The following TMEM207 variants were observed in gnomAD, a reference collection of about 807,000 sequenced individuals.
TMEM207 encodes the protein transmembrane protein 207, also known as SRSR846.
TMEM207 carries 15 observed loss-of-function variants against 17.4 expected under a neutral mutation model. The ratio of observed to expected loss-of-function variants is 0.86; its 90% CI spans 0.58 to 1.33. TMEM207 has a LOEUF of 1.33. TMEM207 is among the 40% of genes most tolerant of loss of function. The pLI is 0.00. For missense variants in TMEM207, 205 were observed against 173.8 expected, an observed-to-expected ratio of 1.18 and a Z score of -1.01; for synonymous variants, 70 against 65.6, an observed-to-expected ratio of 1.07 and a Z score of -0.33.
intron 2 of TMEM207, among the ~76,000 whole-genome samples, chr3:190,446,826 T>C (rs1235494358): frequency 6.6e-6 from 1 of 152,130 alleles, no homozygotes; most frequent in Non-Finnish European, 1.5e-5. Flanking sequence ...AGGCAGAAGA[T>C]GAGGAGATAA....
In TMEM207 at chr3:190,449,804, T is replaced by A; in HGVS notation, c.6A>T (p.Ser2=). 1 of 1,613,718 alleles carries A rather than the reference T, an allele frequency of 6.2e-7. No individual in the cohort carries two copies. The highest frequency in any genetic ancestry group is 1.1e-5 in the South Asian group (1 of 91,056). M[S]RSRLFSVTSA... ...AGGTGACACTGAAAAGTCTGGATCT[T>A]GACATATTTAAAGGACAGTCAACTT... The change falls in exon 1 of 5, where the codon TCA becomes TCT. Residue 2 remains serine, a synonymous_variant. Coordinates refer to ENST00000354905, the MANE Select transcript of TMEM207 (RefSeq NM_207316.3).
Position 190,447,718 on chromosome 3 carries a change from C to T in TMEM207, c.113+72G>A, listed in dbSNP as rs1720080358. ...AACTCAACTGGGCTTTTTCTAATGGCTTGAGCCTTTTTTATACTTTGAATT... is the reference window on the plus strand; with the variant it reads ...AACTCAACTGGGCTTTTTCTAATGGTTTGAGCCTTTTTTATACTTTGAATT... On this transcript the variant is annotated intron_variant, in intron 2 of 4. Coordinates refer to ENST00000354905, the MANE Select transcript of TMEM207 (RefSeq NM_207316.3). 7 of 1,517,666 alleles carry T rather than the reference C, an allele frequency of 4.6e-6. No homozygotes were observed. The South Asian group carries it at 6.0e-5, about 13-fold the overall frequency. The allele number at this position is 1,517,666 out of a possible 1,614,324, so 94.0% of individuals were successfully genotyped here.
chr3:190,440,499 C>A, intron 3 of TMEM207, 110 bp from the exon 4 acceptor site: 1 of 871,184 alleles, frequency 1.1e-6, no homozygotes, highest in Non-Finnish European at 1.7e-6. Flanking sequence ...TGGCCGCAAG[C>A]AATGTGGGAC....
intron 3 of TMEM207, among the ~76,000 whole-genome samples, chr3:190,441,158 G>C (rs1031983867): frequency 3.9e-5 from 6 of 152,166 alleles, no homozygotes. Context: ...TATCAGTGGA[G>C]GGTCATTTAG....
At chr3:190,447,996 C>T (rs1008773300) in intron 1 of TMEM207, among the ~76,000 whole-genome samples, 169 bp from the exon 2 acceptor site, 3 of 152,084 alleles carry the variant, frequency 2.0e-5, no homozygotes, top group Non-Finnish European at 4.4e-5. Context: ...TTGAAAAAAT[C>T]TCTGGGTGGA....
At chr3:190,443,155 T>G (rs6791090) in intron 2 of TMEM207, among the ~76,000 whole-genome samples, 31,667 of 150,278 alleles carry the variant, frequency 0.21, 3,770 homozygotes, top group South Asian at 0.3. Flanking sequence ...CTTTTTTTTT[T>G]TTTTGTTTTG....
At chr3:190,437,690 C>T (rs112927669) in intron 4 of TMEM207, among the ~76,000 whole-genome samples, 2 of 151,896 alleles carry the variant, frequency 1.3e-5, no homozygotes, top group African/African-American at 2.4e-5. Flanking sequence ...GTCAGTGTGG[C>T]GATTCCTCAG....
At chr3:190,440,614 AT>A (rs1189425760) in intron 3 of TMEM207, among the ~76,000 whole-genome samples, 1 of 152,096 alleles carries the variant, frequency 6.6e-6, no homozygotes, top group Non-Finnish European at 1.5e-5. Flanking sequence ...GGTAATAATC[AT>A]TTTCTCCTTA....
chr3:190,445,215 AT>A lies in TMEM207; in HGVS notation c.113+2574del, dbSNP rs1720019082. Among the ~76,000 whole-genome samples, 3 of 152,316 alleles carry A rather than the reference AT, an allele frequency of 2.0e-5. No homozygotes were observed. The South Asian group carries it at 6.2e-4, about 32-fold the overall frequency. On this transcript the variant is annotated intron_variant, in intron 2 of 4. Coordinates refer to ENST00000354905, the MANE Select transcript of TMEM207 (RefSeq NM_207316.3). Reference sequence around the variant, plus strand: ...ATTAGAAAATCTATCAATGCAATTAATTTACAGAATCTTTTATATGTATAGT... The same window carrying A: ...ATTAGAAAATCTATCAATGCAATTAATTACAGAATCTTTTATATGTATAGT...
At chr3:190,433,911 T>A (rs1039736354) in intron 4 of TMEM207, among the ~76,000 whole-genome samples, 1 of 152,080 alleles carries the variant, frequency 6.6e-6, no homozygotes, top group Non-Finnish European at 1.5e-5. Context: ...TAAAAGTGTG[T>A]AACACCACCC....
At chr3:190,440,221 C>G in intron 4 of TMEM207, 23 bp downstream of exon 4, 1 of 1,605,840 alleles carries the variant, frequency 6.2e-7, no homozygotes, top group South Asian at 1.1e-5. Context: ...AAAAAAGAGT[C>G]CAGAAGCGTG....
chr3:190,442,454 A>G (rs886713444), intron 2 of TMEM207, among the ~76,000 whole-genome samples: 11 of 152,226 alleles, frequency 7.2e-5, no homozygotes, highest in African/African-American at 2.7e-4. Context: ...GTGTCATCCC[A>G]TCATCATACC....
intron 2 of TMEM207, among the ~76,000 whole-genome samples, chr3:190,441,873 T>C (rs1455538311): frequency 1.3e-5 from 2 of 152,194 alleles, no homozygotes; most frequent in Non-Finnish European, 2.9e-5. Flanking sequence ...AGACCTACAG[T>C]CATGTAAAAC....
rs750752463 is a variant in TMEM207 at position 190,429,575 on chromosome 3, T to C, written c.*20A>G. The C allele has an allele frequency of 5.0e-6, 8 of 1,612,638 alleles. No individual in the cohort carries two copies. The highest frequency in any genetic ancestry group is 6.8e-6 in the Non-Finnish European group (8 of 1,179,240). ...TTACAGATGTCGTTAATACTTTAAA[T>C]TGATAATCCACACCTAAAATCAGGT... is the stretch of plus-strand genomic sequence containing the variant. On this transcript the variant is annotated 3_prime_UTR_variant, in exon 5 of 5. Transcript: ENST00000354905.
chr3:190,436,521 A>G (rs890311994), intron 4 of TMEM207, among the ~76,000 whole-genome samples: 1 of 152,210 alleles, frequency 6.6e-6, no homozygotes, highest in Non-Finnish European at 1.5e-5. Flanking sequence ...CTCCGCTGTG[A>G]GCACATACTC....
intron 4 of TMEM207, 87 bp downstream of exon 4, chr3:190,440,157 A>G: frequency 6.7e-7 from 1 of 1,483,066 alleles, no homozygotes; most frequent in African/African-American, 1.4e-5. Flanking sequence ...CTAAGTTCCC[A>G]GATCTGCTTT....
chr3:190,437,571 T>A (rs961376873), intron 4 of TMEM207, among the ~76,000 whole-genome samples: 1 of 152,102 alleles, frequency 6.6e-6, no homozygotes, highest in Non-Finnish European at 1.5e-5. Context: ...CCAGTTAGAA[T>A]GGCAATCATT....
At chr3:190,436,477 G>A (rs1476930988) in intron 4 of TMEM207, among the ~76,000 whole-genome samples, 1 of 152,194 alleles carries the variant, frequency 6.6e-6, no homozygotes, top group Non-Finnish European at 1.5e-5. Context: ...ACCTTGGTGT[G>A]GGCGTATGAA....
In TMEM207 at chr3:190,428,875, C is replaced by G. The variant is rs576456732; in HGVS notation, c.*720G>C. On this transcript the variant is annotated 3_prime_UTR_variant, in exon 5 of 5. Coordinates refer to ENST00000354905, the MANE Select transcript of TMEM207 (RefSeq NM_207316.3). ...CTGCAATAAATGCCAAGCCCTGAGG[C>G]TCCAGAGAAACACTATGGACTATGG... 6.6e-6 allele frequency: 1 copy of G among 152,244 alleles called. No individual in the cohort carries two copies. Among genetic ancestry groups the G allele is most frequent in the Non-Finnish European group, 1.5e-5 (1 of 68,044 alleles). 9.4% of individuals were successfully genotyped at this position (152,244 alleles called of 1,614,324 possible).
Sources: gnomAD v4.1 joint callset for allele counts (sites outside exome capture counted in the v4.1 genomes callset) on GRCh38, gnomAD v4.1.1 for gene constraint, MANE v1.5 for transcripts, NCBI Gene and HGNC (gene_info 2026-07-23, HGNC 2026-07-21) for gene names.